The following EXOC4 variants were observed in gnomAD, a reference collection of about 807,000 sequenced individuals.
EXOC4 encodes the protein SEC8-like 1.
EXOC4 carries 71 observed loss-of-function variants against 107.2 expected under a neutral mutation model. That is an observed-to-expected ratio of 0.66 (90% CI 0.55 to 0.81). The LOEUF (loss-of-function observed/expected upper bound fraction) is 0.81, where lower values mean the gene tolerates loss of function less well. Ranked by LOEUF, EXOC4 falls within the 30% of genes least tolerant of loss-of-function variation. EXOC4 has a pLI of 0.00. For missense variants in EXOC4, 1,108 were observed against 1,189.6 expected (o/e 0.93, Z 1.01); for synonymous variants, 456 against 441.2 (o/e 1.03, Z -0.42).
At chr7:133,628,135 C>T (rs1473426839) in intron 9 of EXOC4, among the ~76,000 whole-genome samples, 1 of 150,566 alleles carries the variant, frequency 6.6e-6, no homozygotes, top group African/African-American at 2.4e-5. Flanking sequence ...TTTGAGGAAG[C>T]CCACTAAATA....
At chr7:133,861,695 G>T (rs1351237728) in intron 11 of EXOC4, among the ~76,000 whole-genome samples, 1 of 152,068 alleles carries the variant, frequency 6.6e-6, no homozygotes, top group Non-Finnish European at 1.5e-5. Context: ...CACCATGCCT[G>T]GCTAATTTTT....
intron 14 of EXOC4, among the ~76,000 whole-genome samples, chr7:133,945,729 C>T (rs1049084861): frequency 6.6e-6 from 1 of 152,170 alleles, no homozygotes; most frequent in East Asian, 1.9e-4. Flanking sequence ...GCGCAATATT[C>T]CAGCATGTTT....
intron 9 of EXOC4, among the ~76,000 whole-genome samples, chr7:133,482,435 A>T (rs1347156724): frequency 6.6e-6 from 1 of 152,142 alleles, no homozygotes. Context: ...AGGGCACAGG[A>T]CTAGTGGCAG....
At chr7:133,305,620 A>G (rs924414601) in intron 3 of EXOC4, among the ~76,000 whole-genome samples, 3 of 152,158 alleles carry the variant, frequency 2.0e-5, no homozygotes, top group Non-Finnish European at 4.4e-5. Context: ...GTCCATTGAC[A>G]GATGTGTGTG....
At chr7:134,092,205 C>T in the EXOC4 span, among the ~76,000 whole-genome samples, 1 of 152,026 alleles carries the variant, frequency 6.6e-6, no homozygotes, top group African/African-American at 2.4e-5. Context: ...CCTCCAGAAC[C>T]TTCTGAATAT....
At chr7:134,042,038 T>TG (rs1302353816) in intron 17 of EXOC4, among the ~76,000 whole-genome samples, 3 of 151,854 alleles carry the variant, frequency 2.0e-5, no homozygotes, top group African/African-American at 7.2e-5. Context: ...GCAGCATTTG[T>TG]GGGGAAGTCT....
intron 14 of EXOC4, among the ~76,000 whole-genome samples, chr7:133,941,897 C>G (rs1464245071): frequency 3.4e-5 from 5 of 147,376 alleles, no homozygotes; most frequent in Non-Finnish European, 7.5e-5. Flanking sequence ...ACAATTTCAA[C>G]CTTGTAATAA....
intron 10 of EXOC4, among the ~76,000 whole-genome samples, chr7:133,814,699 T>C (rs1797323293): frequency 6.6e-6 from 1 of 152,206 alleles, no homozygotes; most frequent in South Asian, 2.1e-4. Flanking sequence ...GTTTTCAAAC[T>C]TTTGGAACTT....
At chr7:133,840,613 G>A (rs551247323) in intron 11 of EXOC4, among the ~76,000 whole-genome samples, 2 of 152,100 alleles carry the variant, frequency 1.3e-5, no homozygotes, top group East Asian at 3.9e-4. Flanking sequence ...CTCTTGAGTA[G>A]CTGGGACTAC....
At chr7:133,605,094 A>G (rs1279484225) in intron 9 of EXOC4, among the ~76,000 whole-genome samples, 1 of 152,066 alleles carries the variant, frequency 6.6e-6, no homozygotes, top group East Asian at 1.9e-4. Flanking sequence ...ATAGGTTGTT[A>G]GGTATTCATG....
intron 10 of EXOC4, among the ~76,000 whole-genome samples, chr7:133,772,526 TAAAAA>T (rs59601566): frequency 3.7e-4 from 56 of 150,144 alleles, no homozygotes; most frequent in African/African-American, 1.2e-3. Context: ...ACTTAAAGTA[TAAAAA>T]AAAAAAAAAC....
chr7:134,087,980 T>A, the EXOC4 span, among the ~76,000 whole-genome samples: 3 of 152,206 alleles, frequency 2.0e-5, no homozygotes, highest in African/African-American at 7.2e-5. Flanking sequence ...GACAAGACTT[T>A]TTTAGAGCTG....
chr7:133,459,892 T>C (rs1008424340), intron 7 of EXOC4, among the ~76,000 whole-genome samples: 3 of 152,248 alleles, frequency 2.0e-5, no homozygotes, highest in African/African-American at 7.2e-5. Flanking sequence ...TTCTGTCCTC[T>C]TTGAAATTTT....
intron 9 of EXOC4, among the ~76,000 whole-genome samples, chr7:133,610,668 C>T (rs945706945): frequency 2.0e-5 from 3 of 152,100 alleles, no homozygotes; most frequent in Admixed American, 6.6e-5. Flanking sequence ...AACCTGCTTT[C>T]CTCTGAGGAT....
At chr7:133,996,891 G>A (rs1230724662) in intron 14 of EXOC4, among the ~76,000 whole-genome samples, 1 of 152,146 alleles carries the variant, frequency 6.6e-6, no homozygotes. Flanking sequence ...GCATAGAAAA[G>A]GGAAGACTTC....
chr7:133,259,610 A>G (rs939685651), intron 1 of EXOC4, among the ~76,000 whole-genome samples: 6 of 152,168 alleles, frequency 3.9e-5, no homozygotes, highest in African/African-American at 1.4e-4. Context: ...CTATTGTTTT[A>G]AAAATAGTAC....
chr7:133,424,039 A>G (rs1240951935), intron 7 of EXOC4, among the ~76,000 whole-genome samples: 1 of 152,156 alleles, frequency 6.6e-6, no homozygotes, highest in Non-Finnish European at 1.5e-5. Flanking sequence ...CACTCTGTCA[A>G]AATGGACCAG....
At chr7:133,822,665 C>T (rs937213654) in intron 11 of EXOC4, among the ~76,000 whole-genome samples, 4 of 152,116 alleles carry the variant, frequency 2.6e-5, no homozygotes, top group African/African-American at 7.2e-5. Context: ...GCCCATGGAC[C>T]GGGAGCATCA....
chr7:133,618,158 C>A (rs528385008), intron 9 of EXOC4, among the ~76,000 whole-genome samples: 1 of 152,054 alleles, frequency 6.6e-6, no homozygotes, highest in South Asian at 2.1e-4. Context: ...ATGACTCCTG[C>A]CTTTTATACC....
Sources: gnomAD v4.1 joint callset for allele counts (sites outside exome capture counted in the v4.1 genomes callset) on GRCh38, gnomAD v4.1.1 for gene constraint, MANE v1.5 for transcripts, NCBI Gene and HGNC (gene_info 2026-07-23, HGNC 2026-07-21) for gene names.